The following GPC6 variants were observed in gnomAD, a reference collection of about 807,000 sequenced individuals.
GPC6 encodes the protein glypican-6.
A neutral mutation model predicts 55.2 loss-of-function variants in GPC6; 14 were observed. The ratio of observed to expected loss-of-function variants is 0.25; its 90% confidence interval spans 0.17 to 0.40. GPC6 has a LOEUF of 0.40. Among genes scored for constraint, GPC6 ranks in the 10% least tolerant of loss-of-function variants. The pLI is 1.00. For synonymous variants in GPC6, 278 were observed against 259.6 expected (o/e 1.07, Z -0.68); for missense variants, 641 against 708.5 (o/e 0.90, Z 1.08).
chr13:93,264,262 A>T (rs145216199), intron 1 of GPC6, among the ~76,000 whole-genome samples: 179 of 152,350 alleles, frequency 1.2e-3, no homozygotes, highest in African/African-American at 3.7e-3. Context: ...CACTGAAAAC[A>T]AAGTACAGAT....
chr13:93,244,958 A>G (rs1172356841), intron 1 of GPC6, among the ~76,000 whole-genome samples: 1 of 152,218 alleles, frequency 6.6e-6, no homozygotes, highest in Non-Finnish European at 1.5e-5. Flanking sequence ...CTTAATAAGA[A>G]TCCCAATAAA....
intron 4 of GPC6, among the ~76,000 whole-genome samples, chr13:94,028,842 TA>T (rs1289898853): frequency 6.6e-6 from 1 of 152,158 alleles, no homozygotes; most frequent in Non-Finnish European, 1.5e-5. Flanking sequence ...CATCCAAGGA[TA>T]AAAGGACAAA....
intron 3 of GPC6, among the ~76,000 whole-genome samples, chr13:93,999,923 A>C (rs902791662): frequency 1.3e-5 from 2 of 152,214 alleles, no homozygotes; most frequent in Admixed American, 6.5e-5. Context: ...TCATTTTCTC[A>C]CAAATGACTC....
intron 4 of GPC6, among the ~76,000 whole-genome samples, chr13:94,207,436 C>T (rs1329107226): frequency 6.6e-6 from 1 of 152,156 alleles, no homozygotes; most frequent in Non-Finnish European, 1.5e-5. Context: ...GGTTCATAGG[C>T]TGTTAAGTGT....
intron 7 of GPC6, among the ~76,000 whole-genome samples, chr13:94,383,638 G>T (rs904460031): frequency 3.9e-4 from 60 of 152,326 alleles, no homozygotes; most frequent in South Asian, 2.1e-4. Context: ...AACTGCAGAA[G>T]TTAAGCAGGA....
chr13:94,312,858 G>C (rs895088089), intron 6 of GPC6, among the ~76,000 whole-genome samples: 4 of 152,232 alleles, frequency 2.6e-5, no homozygotes, highest in Non-Finnish European at 5.9e-5. Flanking sequence ...GTCAAGGCCA[G>C]ATTGGCTTTC....
chr13:93,629,598 T>A (rs1879348755), intron 2 of GPC6, among the ~76,000 whole-genome samples: 1 of 152,190 alleles, frequency 6.6e-6, no homozygotes. Flanking sequence ...TCTCTTAGAC[T>A]TACAGCCAAT....
intron 4 of GPC6, among the ~76,000 whole-genome samples, chr13:94,185,309 A>G (rs933485872): frequency 2.6e-5 from 4 of 151,694 alleles, no homozygotes; most frequent in Non-Finnish European, 2.9e-5. Flanking sequence ...TCAACCAACC[A>G]TAAAATAACA....
chr13:93,951,158 A>C (rs1485785522), intron 3 of GPC6, among the ~76,000 whole-genome samples: 2 of 152,062 alleles, frequency 1.3e-5, no homozygotes, highest in Admixed American at 1.3e-4. Flanking sequence ...ATGTTCCTTC[A>C]TGCCTCCCCA....
chr13:93,884,756 T>C (rs556575701), intron 3 of GPC6, among the ~76,000 whole-genome samples: 1 of 152,220 alleles, frequency 6.6e-6, no homozygotes, highest in Admixed American at 6.5e-5. Flanking sequence ...TACTTCAGTG[T>C]TCAATGCTAA....
chr13:94,029,753 A>C (rs1883040919), intron 4 of GPC6, among the ~76,000 whole-genome samples: 1 of 152,204 alleles, frequency 6.6e-6, no homozygotes, highest in African/African-American at 2.4e-5. Flanking sequence ...TTAACTTGTA[A>C]GAGCAGCAGT....
chr13:93,237,886 C>T (rs2139010977), intron 1 of GPC6, among the ~76,000 whole-genome samples: 1 of 152,124 alleles, frequency 6.6e-6, no homozygotes, highest in East Asian at 1.9e-4. Flanking sequence ...AGGGATTAGG[C>T]TTTATTTCTG....
rs1384454188 is a variant in GPC6, at chr13:93,652,659, AGGAGTGATTTGT to A, written c.319+107239_319+107250del. ...TAGGAGAAACTGGGTTTAAACTTCC[AGGAGTGATTTGT>A]CATTCCCTCCACCCCCATCCTCATT... On this transcript the variant is annotated intron_variant, in intron 2 of 8. Transcript: ENST00000377047. 2.6e-5 allele frequency among the ~76,000 whole-genome samples: 4 copies of A among 152,218 alleles called. No homozygotes were observed. The East Asian group carries it at 7.7e-4, about 29-fold the overall frequency.
chr13:93,613,072 GTTC>G (rs1327915045), intron 2 of GPC6, among the ~76,000 whole-genome samples: 5 of 152,156 alleles, frequency 3.3e-5, no homozygotes, highest in Non-Finnish European at 5.9e-5. Context: ...TGACGTATGT[GTTC>G]TTATAATGGC....
chr13:94,261,231 C>T (rs182317417), intron 4 of GPC6, among the ~76,000 whole-genome samples: 267 of 152,244 alleles, frequency 1.8e-3, no homozygotes, highest in South Asian at 3.5e-3. Context: ...GCCAAGACCA[C>T]GCCACTTCAC....
intron 3 of GPC6, among the ~76,000 whole-genome samples, chr13:93,854,024 C>T (rs554909056): frequency 4.2e-4 from 63 of 151,674 alleles, no homozygotes; most frequent in African/African-American, 1.5e-3. Context: ...TGACACTTCA[C>T]GTCGTGGATC....
At chr13:93,461,858 G>A (rs1267710279) in intron 1 of GPC6, among the ~76,000 whole-genome samples, 3 of 151,960 alleles carry the variant, frequency 2.0e-5, no homozygotes, top group Non-Finnish European at 2.9e-5. Flanking sequence ...CCCTCTTTAC[G>A]TTATCTCATT....
chr13:94,149,460 A>G (rs1436968345), intron 4 of GPC6, among the ~76,000 whole-genome samples: 1 of 152,188 alleles, frequency 6.6e-6, no homozygotes, highest in Non-Finnish European at 1.5e-5. Context: ...GTGTGCCTTT[A>G]GAACATAACT....
intron 2 of GPC6, among the ~76,000 whole-genome samples, chr13:93,687,521 A>C (rs1455374524): frequency 6.6e-6 from 1 of 152,142 alleles, no homozygotes; most frequent in Non-Finnish European, 1.5e-5. Flanking sequence ...GGTTACCAAC[A>C]GTCTCTGCAG....
Sources: gnomAD v4.1 joint callset for allele counts (sites outside exome capture counted in the v4.1 genomes callset) on GRCh38, gnomAD v4.1.1 for gene constraint, MANE v1.5 for transcripts, NCBI Gene and HGNC (gene_info 2026-07-23, HGNC 2026-07-21) for gene names.